POLA1: variants seen among roughly 807,000 people sequenced by gnomAD.
POLA1 encodes DNA polymerase alpha catalytic subunit.
In POLA1, 15 loss-of-function variants were observed where a neutral mutation model predicts 124.0. The ratio of observed to expected loss-of-function variants is 0.12; its 90% CI spans 0.08 to 0.19. The LOEUF is 0.19. POLA1 is among the 10% of genes least tolerant of loss of function. The pLI, the probability that POLA1 is intolerant of heterozygous loss-of-function variation, is 1.00. For missense variants in POLA1, 886 were observed against 1,103.4 expected (o/e 0.80, Z 2.79); for synonymous variants, 408 against 389.4 (o/e 1.05, Z -0.56).
chrX:24,872,096 C>T (rs900535114), intron 34 of POLA1, among the ~76,000 whole-genome samples: 1 of 111,016 alleles, frequency 9.0e-6, no homozygotes, highest in Non-Finnish European at 1.9e-5. Flanking sequence ...AAATATTAAC[C>T]GTTGTAATTA....
chrX:24,841,284 A>G (rs1268516277), intron 32 of POLA1, among the ~76,000 whole-genome samples: 1 of 112,158 alleles, frequency 8.9e-6, no homozygotes, highest in Non-Finnish European at 1.9e-5. Context: ...GTTTTCTTTA[A>G]TGGGATTTTT....
chrX:24,867,017 C>T (rs55899901), intron 34 of POLA1, among the ~76,000 whole-genome samples: 8,129 of 110,690 alleles, frequency 0.073, 330 homozygotes, highest in Non-Finnish European at 0.12. Flanking sequence ...GCAAAATTAA[C>T]GAAAATATTT....
chrX:24,887,793 CTTTTT>C (rs397959883), intron 34 of POLA1, among the ~76,000 whole-genome samples: 5 of 93,190 alleles, frequency 5.4e-5, no homozygotes, highest in African/African-American at 1.9e-4. Context: ...ATGTGATTTT[CTTTTT>C]TTTTTTTTTA....
At chrX:24,745,875 A>G (rs1254530922) in intron 24 of POLA1, among the ~76,000 whole-genome samples, 1 of 111,871 alleles carries the variant, frequency 8.9e-6, no homozygotes, top group Admixed American at 9.5e-5. Flanking sequence ...AGAATCATAC[A>G]TTATATGGCC....
chrX:24,745,683 T>C (rs772808280), intron 24 of POLA1, 141 bp downstream of exon 24: 143 of 385,048 alleles, frequency 3.7e-4, no homozygotes, highest in African/African-American at 3.5e-3. Flanking sequence ...TGTAGTTCAG[T>C]GGCTTTTAGT....
At chrX:24,894,862 C>T (rs2047187739) in intron 35 of POLA1, among the ~76,000 whole-genome samples, 1 of 107,931 alleles carries the variant, frequency 9.3e-6, no homozygotes, top group Non-Finnish European at 1.9e-5. Flanking sequence ...TCACAGCTCA[C>T]TGAAGCCTCG....
chrX:24,757,246 A>G (rs1458332299), intron 26 of POLA1, among the ~76,000 whole-genome samples: 2 of 110,571 alleles, frequency 1.8e-5, no homozygotes, highest in Non-Finnish European at 3.8e-5. Context: ...AACTGATAAC[A>G]CATACTATTC....
intron 26 of POLA1, among the ~76,000 whole-genome samples, chrX:24,783,965 C>T (rs1460211576): frequency 9.0e-6 from 1 of 110,609 alleles, no homozygotes; most frequent in Admixed American, 9.6e-5. Context: ...TATTGGAAAG[C>T]GTTGTTCTAG....
intron 34 of POLA1, among the ~76,000 whole-genome samples, chrX:24,881,772 A>G (rs181385876): frequency 8.7e-4 from 97 of 111,867 alleles, no homozygotes; most frequent in Middle Eastern, 4.6e-3. Flanking sequence ...ACAAAAGACG[A>G]ATGGAACTGA....
chrX:24,929,107 A>G (rs1163770618), intron 35 of POLA1, among the ~76,000 whole-genome samples: 2 of 112,129 alleles, frequency 1.8e-5, no homozygotes, highest in Admixed American at 9.5e-5. Flanking sequence ...GTGAGCTCTA[A>G]TAACTGAATT....
intron 32 of POLA1, among the ~76,000 whole-genome samples, chrX:24,833,234 AT>A (rs1012599140): frequency 3.8e-4 from 42 of 110,186 alleles, no homozygotes; most frequent in African/African-American, 1.3e-3. Flanking sequence ...TGAATGTCAT[AT>A]TTTTTTTTAT....
At chrX:24,856,593 A>G (rs1413047716) in intron 34 of POLA1, among the ~76,000 whole-genome samples, 1 of 111,607 alleles carries the variant, frequency 9.0e-6, no homozygotes, top group East Asian at 2.8e-4. Context: ...GAATGGCAGT[A>G]TTTTTTTCAT....
intron 36 of POLA1, among the ~76,000 whole-genome samples, chrX:24,993,111 C>T (rs1334198753): frequency 8.9e-6 from 1 of 112,362 alleles, no homozygotes; most frequent in Non-Finnish European, 1.9e-5. Flanking sequence ...TTTATATACA[C>T]GTTCCTCGAA....
chrX:24,917,726 G>A (rs1010544154), intron 35 of POLA1, among the ~76,000 whole-genome samples: 2 of 111,582 alleles, frequency 1.8e-5, no homozygotes, highest in Non-Finnish European at 3.8e-5. Context: ...CATGTTTAGG[G>A]GTGGGCTGTA....
chrX:24,872,152 T>C (rs2046874127), intron 34 of POLA1, among the ~76,000 whole-genome samples: 2 of 111,592 alleles, frequency 1.8e-5, no homozygotes, highest in South Asian at 3.7e-4. Context: ...GGGGAAATTA[T>C]TATTTACAGA....
At chrX:24,914,796 T>C (rs779813548) in intron 35 of POLA1, among the ~76,000 whole-genome samples, 1 of 111,504 alleles carries the variant, frequency 9.0e-6, no homozygotes, top group Non-Finnish European at 1.9e-5. Context: ...GATAGCATCA[T>C]AGGGAAAAAG....
Position 24,704,381 on chromosome X carries a change from C to T in POLA1, c.266-8C>T, listed in dbSNP as rs1163055172. 2 of 1,169,373 alleles carry T rather than the reference C, an allele frequency of 1.7e-6. No individual in the cohort carries two copies. The highest frequency in any genetic ancestry group is 1.8e-5 in the South Asian group (1 of 54,688). ...ATTTGATCCCAGTATTAAATTTTGT[C>T]CCTGCAGATGGTATTGGCTATGTGG... On this transcript the variant is annotated splice_region_variant and splice_polypyrimidine_tract_variant and intron_variant, in intron 3 of 36. Coordinates refer to ENST00000379068, the MANE Select transcript of POLA1 (RefSeq NM_001330360.2).
intron 36 of POLA1, among the ~76,000 whole-genome samples, chrX:24,965,531 G>A (rs2048211888): frequency 8.9e-6 from 1 of 112,002 alleles, no homozygotes; most frequent in Non-Finnish European, 1.9e-5. Context: ...AAATCCAACA[G>A]TGTGTCTGAT....
chrX:24,775,076 T>G (rs1025856901), intron 26 of POLA1: 3 of 111,961 alleles, frequency 2.7e-5, no homozygotes, highest in Non-Finnish European at 5.6e-5. Context: ...AATTATGTGT[T>G]TTTTTTTCTT....
Sources: allele counts gnomAD v4.1 joint callset (sites outside exome capture counted in the v4.1 genomes callset), GRCh38; gene constraint gnomAD v4.1.1; transcripts MANE v1.5; gene names NCBI Gene and HGNC (gene_info 2026-07-23, HGNC 2026-07-21).